CNOT10: variants seen among roughly 807,000 people sequenced by gnomAD.
The protein encoded by CNOT10 is CCR4-NOT transcription complex, subunit 10.
Under a neutral mutation model 94.6 loss-of-function variants are expected in CNOT10, and 30 were observed. The ratio of observed to expected loss-of-function variants is 0.32; its 90% CI spans 0.24 to 0.43. The LOEUF is 0.43. Among genes scored for constraint, CNOT10 ranks in the 20% least tolerant of loss-of-function variants. CNOT10 has a pLI of 1.00. For missense variants in CNOT10, 759 were observed against 877.2 expected, an observed-to-expected ratio of 0.87 and a Z score of 1.70; for synonymous variants, 289 against 301.6, an observed-to-expected ratio of 0.96 and a Z score of 0.43.
At chr3:32,692,996 A>T (rs946764605) in intron 1 of CNOT10, among the ~76,000 whole-genome samples, 2 of 152,162 alleles carry the variant, frequency 1.3e-5, no homozygotes, top group African/African-American at 2.4e-5. Context: ...GTGAGCCGTG[A>T]TCACAGCACC....
At chr3:32,737,251 G>T in intron 12 of CNOT10, 159 bp from the exon 13 acceptor site, 1 of 534,278 alleles carries the variant, frequency 1.9e-6, no homozygotes, top group Non-Finnish European at 3.3e-6. Context: ...GGAGGCAGAG[G>T]TTGCAGTGAG....
Position 32,735,102 on chromosome 3 carries a change from AGAAAG to A in CNOT10, c.1514+132_1514+136del, listed in dbSNP as rs946729341. ...TTCTGAAATTCTGTTTTGCGTAACA[AGAAAG>A]GAAAGTATTTATGTTTCTGAGTCTT... On this transcript the variant is annotated intron_variant, in intron 12 of 18. Transcript: ENST00000328834. The A allele has an allele frequency of 1.2e-5, 9 of 771,632 alleles. No homozygotes were observed. The African/African-American group carries it at 1.4e-4, about 12-fold the overall frequency. 47.8% of individuals were successfully genotyped at this position (771,632 alleles called of 1,614,324 possible).
intron 13 of CNOT10, among the ~76,000 whole-genome samples, chr3:32,749,657 G>C (rs915643695): frequency 1.3e-5 from 2 of 152,014 alleles, no homozygotes; most frequent in Non-Finnish European, 2.9e-5. Context: ...TGATCTGCCT[G>C]CCTCGGCCTC....
intron 1 of CNOT10, among the ~76,000 whole-genome samples, chr3:32,700,572 G>C (rs993465544): frequency 6.6e-6 from 1 of 152,158 alleles, no homozygotes; most frequent in East Asian, 1.9e-4. Context: ...CATGCCAATT[G>C]CTTCACATAT....
At chr3:32,687,464 T>TTTTTTTG (rs1559471812) in intron 1 of CNOT10, among the ~76,000 whole-genome samples, 1 of 67,982 alleles carries the variant, frequency 1.5e-5, no homozygotes, top group African/African-American at 6.6e-5. Flanking sequence ...TTTTTTTTTT[T>TTTTTTTG]TTTTTGAGAC....
chr3:32,754,513 T>TATATATA (rs1252420610), intron 13 of CNOT10, among the ~76,000 whole-genome samples: 2 of 107,992 alleles, frequency 1.9e-5, no homozygotes, highest in African/African-American at 8.3e-5. Context: ...TATATATTTA[T>TATATATA]TTTACTTTTT....
chr3:32,771,690 A>G (rs1371701865), intron 18 of CNOT10, among the ~76,000 whole-genome samples: 5 of 152,196 alleles, frequency 3.3e-5, no homozygotes, highest in Non-Finnish European at 7.3e-5. Flanking sequence ...AGTTTTTGGT[A>G]TCCTACAAAT....
intron 14 of CNOT10, among the ~76,000 whole-genome samples, chr3:32,760,890 A>G (rs1215854298): frequency 1.3e-5 from 2 of 151,790 alleles, no homozygotes; most frequent in African/African-American, 4.8e-5. Flanking sequence ...GCACTTTGGG[A>G]GGCCTACCTG....
intron 13 of CNOT10, among the ~76,000 whole-genome samples, chr3:32,739,152 C>T (rs946712770): frequency 6.6e-6 from 1 of 152,094 alleles, no homozygotes; most frequent in African/African-American, 2.4e-5. Context: ...GTGATCCACC[C>T]GCCTCAGCCT....
In CNOT10 at chr3:32,717,641, G is replaced by A. The variant is rs140552445; in HGVS notation, c.744+404G>A. ...AGCACTTTAGGAGGCCAAGGTGGGC[G>A]GATCACCTGAGGTCAGGAGTTCAAG... On this transcript the variant is annotated intron_variant, in intron 7 of 18. Coordinates refer to ENST00000328834, the MANE Select transcript of CNOT10 (RefSeq NM_015442.3). Among the ~76,000 whole-genome samples the A allele has an allele frequency of 1.4e-3, 209 of 152,150 alleles. 1 individual carries two copies. Among genetic ancestry groups the A allele is most frequent in the Non-Finnish European group, 2.1e-3 (141 of 67,996 alleles).
chr3:32,764,574 T>A, intron 16 of CNOT10, 84 bp downstream of exon 16: 1 of 1,603,830 alleles, frequency 6.2e-7, no homozygotes, highest in Non-Finnish European at 8.5e-7. Flanking sequence ...TTCGTTTTTC[T>A]GCCTGAGGAA....
At chr3:32,689,000 C>G (rs1228203747) in intron 1 of CNOT10, among the ~76,000 whole-genome samples, 1 of 151,584 alleles carries the variant, frequency 6.6e-6, no homozygotes, top group Non-Finnish European at 1.5e-5. Context: ...GTCAAGAGAT[C>G]GAGACCATCC....
chr3:32,730,543 G>C (rs758064469), intron 10 of CNOT10: 2 of 151,938 alleles, frequency 1.3e-5, no homozygotes, highest in African/African-American at 2.4e-5. Context: ...AAAAACTTTA[G>C]GGTAACCTAA....
chr3:32,732,279 A>G (rs1698994083), intron 10 of CNOT10, among the ~76,000 whole-genome samples: 1 of 151,086 alleles, frequency 6.6e-6, no homozygotes, highest in South Asian at 2.1e-4. Context: ...AATCCTAGCT[A>G]CTCGGGAGGC....
chr3:32,745,378 C>G (rs1408739181), intron 13 of CNOT10, among the ~76,000 whole-genome samples: 1 of 151,876 alleles, frequency 6.6e-6, no homozygotes, highest in Non-Finnish European at 1.5e-5. Context: ...TTCCAAGCAC[C>G]AACTGTACAC....
chr3:32,722,184 T>C (rs1337333553), intron 8 of CNOT10, among the ~76,000 whole-genome samples: 2 of 152,206 alleles, frequency 1.3e-5, no homozygotes, highest in Non-Finnish European at 2.9e-5. Flanking sequence ...ATGTTTTGTC[T>C]TGTTTTTTTT....
In CNOT10 at chr3:32,737,390, G is replaced by C. The variant is rs1699236112; in HGVS notation, c.1515-20G>C. ...TTTATTTGTTGCTCTTCATAATTAAGACTCTTACCTCTATTTTAGCAGTAA... is the reference window on the plus strand; with the variant it reads ...TTTATTTGTTGCTCTTCATAATTAACACTCTTACCTCTATTTTAGCAGTAA... On this transcript the variant is annotated intron_variant, in intron 12 of 18. Coordinates refer to ENST00000328834, the MANE Select transcript of CNOT10 (RefSeq NM_015442.3). 2 of 1,525,480 alleles carry C rather than the reference G, an allele frequency of 1.3e-6. No individual in the cohort carries two copies. Among genetic ancestry groups the C allele is most frequent in the Non-Finnish European group, 1.8e-6 (2 of 1,108,870 alleles). The allele number at this position is 1,525,480 out of a possible 1,614,324, so 94.5% of individuals were successfully genotyped here. A position where few individuals can be genotyped will look rare whatever the true frequency, so the allele number is the denominator to read the frequency against.
chr3:32,758,860 T>G (rs1700321398), intron 13 of CNOT10, among the ~76,000 whole-genome samples: 2 of 150,076 alleles, frequency 1.3e-5, no homozygotes, highest in Non-Finnish European at 3.0e-5. Context: ...GTTTAACCTG[T>G]TTTTTTTCCT....
chr3:32,716,050 G>A (rs1366009295), intron 5 of CNOT10, 175 bp from the exon 6 acceptor site: 7 of 437,772 alleles, frequency 1.6e-5, no homozygotes, highest in Middle Eastern at 6.0e-4. Context: ...CAAGCGATCC[G>A]CCCGCCTCTG....
Sources: allele counts gnomAD v4.1 joint callset (sites outside exome capture counted in the v4.1 genomes callset), GRCh38; gene constraint gnomAD v4.1.1; transcripts MANE v1.5; gene names NCBI Gene and HGNC (gene_info 2026-07-23, HGNC 2026-07-21).